Variants in FAM168A observed in about 807,000 individuals in gnomAD.
FAM168A encodes protein FAM168A.
A neutral mutation model predicts 28.5 loss-of-function variants in FAM168A; 3 were observed. The ratio of observed to expected loss-of-function variants is 0.11; its 90% confidence interval spans 0.05 to 0.27. The LOEUF (loss-of-function observed/expected upper bound fraction) is 0.27. Ranked by LOEUF, FAM168A falls within the 10% of genes least tolerant of loss-of-function variation. FAM168A has a pLI of 1.00. For synonymous variants in FAM168A, 122 were observed against 124.2 expected, an observed-to-expected ratio of 0.98 and a Z score of 0.12; for missense variants, 222 against 311.5, an observed-to-expected ratio of 0.71 and a Z score of 2.16.
chr11:73,511,647 G>C (rs1005972990), intron 1 of FAM168A, among the ~76,000 whole-genome samples: 9 of 151,776 alleles, frequency 5.9e-5, no homozygotes, highest in African/African-American at 1.9e-4. Flanking sequence ...CTTTCTGTAA[G>C]CATCAGAAAG....
chr11:73,451,104 G>A (rs958795104), intron 2 of FAM168A, among the ~76,000 whole-genome samples: 1 of 152,180 alleles, frequency 6.6e-6, no homozygotes, highest in Non-Finnish European at 1.5e-5. Flanking sequence ...CCCCTTCATG[G>A]CAGCTTAGGA....
intron 2 of FAM168A, among the ~76,000 whole-genome samples, chr11:73,433,073 C>T (rs560115298): frequency 4.4e-5 from 6 of 135,110 alleles, no homozygotes; most frequent in Non-Finnish European, 9.1e-5. Flanking sequence ...CACCACGCCC[C>T]GCCTTTTTTT....
At position 73,484,530 on chromosome 11, in the gene FAM168A, A is replaced by ATATATCTATC. The variant is rs1868014626; in HGVS notation, c.-18-16039_-18-16038insGATAGATATA. Among the ~76,000 whole-genome samples, 4 of 134,656 alleles carry ATATATCTATC rather than the reference A, an allele frequency of 3.0e-5. 1 individual carries two copies. The highest frequency in any genetic ancestry group is 5.2e-5 in the African/African-American group (2 of 38,512). The allele number at this position is 134,656 out of a possible 152,430, so 88.3% of individuals were successfully genotyped here. A position where few individuals can be genotyped will look rare whatever the true frequency, so the allele number is the denominator to read the frequency against. ...GAGATATATATAGATATATATATCT[A>ATATATCTATC]TATATCTATATATCTATCTATATCT... On this transcript the variant is annotated intron_variant, in intron 1 of 7. Coordinates refer to ENST00000356467, the MANE Select transcript of FAM168A (RefSeq NM_015159.3).
intron 5 of FAM168A, among the ~76,000 whole-genome samples, chr11:73,409,867 G>A (rs1866577693): frequency 6.6e-6 from 1 of 152,150 alleles, no homozygotes; most frequent in African/African-American, 2.4e-5. Context: ...TCATAAGGCT[G>A]CTATGATGAT....
chr11:73,543,551 G>A (rs1303818841), intron 1 of FAM168A, among the ~76,000 whole-genome samples: 4 of 152,012 alleles, frequency 2.6e-5, no homozygotes, highest in Admixed American at 6.6e-5. Flanking sequence ...ATGAGCTACC[G>A]CGCTCGGCCC....
At chr11:73,463,801 T>C (rs1479717961) in intron 2 of FAM168A, among the ~76,000 whole-genome samples, 12 of 152,176 alleles carry the variant, frequency 7.9e-5, no homozygotes, top group African/African-American at 2.9e-4. Flanking sequence ...TCAAATGATA[T>C]AGAAGAGTCA....
At chr11:73,445,371 A>T (rs535929271) in intron 2 of FAM168A, among the ~76,000 whole-genome samples, 10 of 148,934 alleles carry the variant, frequency 6.7e-5, no homozygotes, top group African/African-American at 2.5e-4. Context: ...CTTCTGGCAG[A>T]GCCAGAACTA....
intron 2 of FAM168A, among the ~76,000 whole-genome samples, chr11:73,452,957 G>A (rs1426172608): frequency 6.6e-6 from 1 of 151,856 alleles, no homozygotes. Context: ...TTTACCAGAC[G>A]GTAAATAATT....
At chr11:73,510,054 C>T (rs74820018) in intron 1 of FAM168A, among the ~76,000 whole-genome samples, 2,743 of 152,266 alleles carry the variant, frequency 0.018, 65 homozygotes, top group African/African-American at 0.055. Flanking sequence ...TCACTGCCTC[C>T]AGAGCTCTGC....
chr11:73,450,380 G>A (rs560499003), intron 2 of FAM168A, among the ~76,000 whole-genome samples: 10 of 152,292 alleles, frequency 6.6e-5, no homozygotes, highest in African/African-American at 2.2e-4. Flanking sequence ...TAAAAACACC[G>A]ATTTTGCTGG....
At chr11:73,583,710 T>C (rs868561503) in intron 1 of FAM168A, among the ~76,000 whole-genome samples, 1 of 152,016 alleles carries the variant, frequency 6.6e-6, no homozygotes, top group Non-Finnish European at 1.5e-5. Context: ...GCAAAGACAG[T>C]GAGAAAAGAG....
At chr11:73,512,561 T>C (rs1393768627) in intron 1 of FAM168A, among the ~76,000 whole-genome samples, 1 of 151,978 alleles carries the variant, frequency 6.6e-6, no homozygotes, top group East Asian at 1.9e-4. Context: ...GGGTGGATTT[T>C]ACAATATATG....
intron 1 of FAM168A, among the ~76,000 whole-genome samples, chr11:73,484,548 C>CTATATCTATATATCTA (rs757019842): frequency 0.08 from 9,934 of 124,736 alleles, 483 homozygotes; most frequent in Admixed American, 0.11. Context: ...ATATATCTAT[C>CTATATCTATATATCTA]TATATCTATA....
chr11:73,535,722 CTTTTT>C (rs59312114), intron 1 of FAM168A, among the ~76,000 whole-genome samples: 2 of 116,964 alleles, frequency 1.7e-5, no homozygotes, highest in Admixed American at 8.7e-5. Flanking sequence ...CCTCACCCTT[CTTTTT>C]TTTTTTTTTT....
intron 1 of FAM168A, among the ~76,000 whole-genome samples, chr11:73,557,042 G>C (rs1943899909): frequency 6.6e-6 from 1 of 151,026 alleles, no homozygotes; most frequent in Non-Finnish European, 1.5e-5. Flanking sequence ...AAAAAAAAGA[G>C]GAAAAAAAGC....
chr11:73,557,385 G>A (rs886539040), intron 1 of FAM168A, among the ~76,000 whole-genome samples: 2 of 151,948 alleles, frequency 1.3e-5, no homozygotes, highest in Non-Finnish European at 1.5e-5. Context: ...ACCACTCCTG[G>A]CTAAGTTTTT....
chr11:73,443,519 G>T (rs1867243091), intron 2 of FAM168A, among the ~76,000 whole-genome samples: 1 of 152,122 alleles, frequency 6.6e-6, no homozygotes, highest in Non-Finnish European at 1.5e-5. Context: ...CTGGCTTCTG[G>T]ATTGGAAAGG....
intron 1 of FAM168A, among the ~76,000 whole-genome samples, chr11:73,525,133 CTA>C (rs1369221740): frequency 1.3e-5 from 2 of 151,486 alleles, no homozygotes; most frequent in African/African-American, 4.9e-5. Context: ...AGGGTTCCTT[CTA>C]TATGTTTCTT....
intron 1 of FAM168A, among the ~76,000 whole-genome samples, chr11:73,502,804 G>A (rs769504232): frequency 3.3e-5 from 5 of 152,258 alleles, no homozygotes; most frequent in South Asian, 2.1e-4. Context: ...TATCCACCAC[G>A]ATCAAGTCGG....
Sources: allele counts gnomAD v4.1 joint callset (sites outside exome capture counted in the v4.1 genomes callset), GRCh38; gene constraint gnomAD v4.1.1; transcripts MANE v1.5; gene names NCBI Gene and HGNC (gene_info 2026-07-23, HGNC 2026-07-21).